The following CCDC186 variants were observed in gnomAD, a reference collection of about 807,000 sequenced individuals.
CCDC186 encodes the protein coiled-coil domain containing 186.
In CCDC186, 49 loss-of-function variants were observed where a neutral mutation model predicts 113.7. That is an observed-to-expected ratio of 0.43 (90% CI 0.34 to 0.55). CCDC186 has a LOEUF of 0.55. CCDC186 is among the 20% of genes least tolerant of loss of function. CCDC186 has a pLI of 0.02. For synonymous variants in CCDC186, 355 were observed against 345.8 expected (o/e 1.03, Z -0.30); for missense variants, 890 against 1,011.1 (o/e 0.88, Z 1.62).
rs868247660 is a variant in CCDC186, at chr10:114,163,300, T to C, written c.-32A>G. On this transcript the variant is annotated 5_prime_UTR_variant, in exon 2 of 16. Transcript: ENST00000369287. ...TGGCACCAATTCACTTTGTAATTCT[T>C]CAAATCTGCTCCTGATCTTCGTTTT... The C allele has an allele frequency of 7.6e-6, 12 of 1,572,120 alleles. No homozygotes were observed. The Middle Eastern group carries it at 1.7e-3, about 222-fold the overall frequency.
rs111667473 is a variant in CCDC186, at chr10:114,151,242, A to C, written c.760-22T>G. ...CTAACTGTAAAGAAAATTATTTCCA[A>C]ATTATTTTTATAGCTATACCAAATA... On this transcript the variant is annotated intron_variant, in intron 3 of 15. Transcript: ENST00000369287. 2.7e-4 allele frequency: 388 copies of C among 1,455,528 alleles called. 4 individuals carry two copies. The African/African-American group carries it at 4.8e-3, about 18-fold the overall frequency. The allele number at this position is 1,455,528 out of a possible 1,614,324, so 90.2% of individuals were successfully genotyped here.
intron 4 of CCDC186, among the ~76,000 whole-genome samples, chr10:114,147,390 T>TA (rs1485333274): frequency 1.3e-5 from 2 of 152,162 alleles, no homozygotes; most frequent in Non-Finnish European, 2.9e-5. Flanking sequence ...GGGTAAAAGA[T>TA]GCTATACTTG....
intron 14 of CCDC186, 69 bp downstream of exon 14, chr10:114,127,392 A>T (rs1336492953): frequency 7.1e-7 from 1 of 1,412,420 alleles, no homozygotes; most frequent in Non-Finnish European, 9.7e-7. Flanking sequence ...ACTAATTTTA[A>T]AAACAGTAAC....
chr10:114,150,951 T>C, intron 4 of CCDC186, 141 bp downstream of exon 4: 1 of 990,494 alleles, frequency 1.0e-6, no homozygotes, highest in Non-Finnish European at 1.4e-6. Context: ...ACGTCTGGCC[T>C]AATGGCTTAC....
At chr10:114,160,725 T>A (rs560403792) in intron 2 of CCDC186, among the ~76,000 whole-genome samples, 1 of 152,324 alleles carries the variant, frequency 6.6e-6, no homozygotes, top group South Asian at 2.1e-4. Flanking sequence ...ATAGATGCAT[T>A]CATTAAAATT....
rs1291324044 is a variant in CCDC186, at chr10:114,123,020, A to T, written c.*2123T>A. 1 of 152,460 alleles carries T rather than the reference A, an allele frequency of 6.6e-6. No homozygotes were observed. Among genetic ancestry groups the T allele is most frequent in the Non-Finnish European group, 1.5e-5 (1 of 68,018 alleles). The allele number at this position is 152,460 out of a possible 1,614,324, so 9.4% of individuals were successfully genotyped here. On this transcript the variant is annotated 3_prime_UTR_variant, in exon 16 of 16. Coordinates refer to ENST00000369287, the MANE Select transcript of CCDC186 (RefSeq NM_018017.4). ...GTATAGGCATAGGATACTATGGATCAGATCACTATTTGGTCTCCATTATAC... is the reference window on the plus strand; with the variant it reads ...GTATAGGCATAGGATACTATGGATCTGATCACTATTTGGTCTCCATTATAC...
chr10:114,142,166 G>A (rs897570828), intron 6 of CCDC186, among the ~76,000 whole-genome samples: 5 of 152,120 alleles, frequency 3.3e-5, no homozygotes, highest in Admixed American at 1.3e-4. Flanking sequence ...CTGACAACAC[G>A]ACAGCCTCGG....
intron 4 of CCDC186, among the ~76,000 whole-genome samples, chr10:114,150,059 T>C (rs2031799927): frequency 6.6e-6 from 1 of 152,144 alleles, no homozygotes; most frequent in Non-Finnish European, 1.5e-5. Flanking sequence ...TAAAGAATCA[T>C]CCAAATAAAG....
chr10:114,129,188 G>A (rs553867619), intron 13 of CCDC186, among the ~76,000 whole-genome samples: 38 of 152,148 alleles, frequency 2.5e-4, no homozygotes, highest in African/African-American at 6.7e-4. Flanking sequence ...TTAGCTAGGC[G>A]TGGTGGCAAG....
intron 1 of CCDC186, among the ~76,000 whole-genome samples, chr10:114,164,058 A>G (rs927684364): frequency 4.5e-5 from 6 of 133,858 alleles, no homozygotes; most frequent in East Asian, 2.2e-4. Flanking sequence ...TAATTTGACC[A>G]AGTTAGAGTG....
At chr10:114,155,637 T>C (rs972175396) in intron 3 of CCDC186, among the ~76,000 whole-genome samples, 1 of 151,904 alleles carries the variant, frequency 6.6e-6, no homozygotes, top group Non-Finnish European at 1.5e-5. Context: ...ATCGCGCCAT[T>C]GCACCCCAGC....
intron 6 of CCDC186, among the ~76,000 whole-genome samples, 186 bp downstream of exon 6, chr10:114,144,311 T>C (rs989439057): frequency 1.3e-5 from 2 of 152,080 alleles, no homozygotes; most frequent in African/African-American, 2.4e-5. Context: ...TCACCAAATA[T>C]TCAGGTCCAA....
intron 6 of CCDC186, among the ~76,000 whole-genome samples, chr10:114,137,698 C>G (rs2119730095): frequency 6.6e-6 from 1 of 152,010 alleles, no homozygotes; most frequent in Admixed American, 6.6e-5. Context: ...AGATCAGGAA[C>G]TTGAGACCAG....
intron 3 of CCDC186, among the ~76,000 whole-genome samples, chr10:114,153,323 T>C (rs1202954662): frequency 6.6e-6 from 1 of 152,302 alleles, no homozygotes; most frequent in East Asian, 1.9e-4. Flanking sequence ...TTCACAAATT[T>C]GTGAAAATTA....
At chr10:114,157,215 A>T (rs983319774) in intron 3 of CCDC186, among the ~76,000 whole-genome samples, 1 of 132,408 alleles carries the variant, frequency 7.6e-6, no homozygotes, top group East Asian at 2.1e-4. Context: ...ACAAGGTCTC[A>T]CTCTCTCACC....
intron 10 of CCDC186, 59 bp from the exon 11 acceptor site, chr10:114,132,243 G>A: frequency 8.0e-7 from 1 of 1,257,776 alleles, no homozygotes; most frequent in Non-Finnish European, 1.1e-6. Context: ...TTAAATTAAT[G>A]GTTTGGGAAT....
chr10:114,136,034 T>G, intron 8 of CCDC186, 57 bp from the exon 9 acceptor site: 1 of 1,539,616 alleles, frequency 6.5e-7, no homozygotes, highest in South Asian at 1.1e-5. Flanking sequence ...ATATCTAAGA[T>G]TTATTGCCTG....
In CCDC186 at chr10:114,135,903, T is replaced by C. The variant is rs146881014; in HGVS notation, c.1500A>G (p.Thr500=). 9 of 1,610,146 alleles carry C rather than the reference T, an allele frequency of 5.6e-6. No homozygotes were observed. The Admixed American group carries it at 1.0e-4, about 18-fold the overall frequency. ...TFKEGMDELR[T]LRTKVKCLED... is the part of the protein sequence containing the mutation. ...AAGACTGAATTACCTTTGTTCTCAG[T>C]GTTCTTAACTCATCCATACCCTCCT... The change falls in exon 9 of 16, where the codon ACA becomes ACG. Residue 500 remains threonine, a synonymous_variant. Transcript: ENST00000369287.
At position 114,124,666 on chromosome 10, in the gene CCDC186, C is replaced by T. The variant is rs1564902919; in HGVS notation, c.*477G>A. ...AATATTCATACACATCCCTAAAACT[C>T]ACCCGATATGCTGGAGTGTAAAAAT... is the stretch of plus-strand genomic sequence containing the variant. On this transcript the variant is annotated 3_prime_UTR_variant, in exon 16 of 16. Transcript: ENST00000369287. 1 of 152,348 alleles carries T rather than the reference C, an allele frequency of 6.6e-6. No homozygotes were observed. The highest frequency in any genetic ancestry group is 1.5e-5 in the Non-Finnish European group (1 of 68,154). 9.4% of individuals were successfully genotyped at this position (152,348 alleles called of 1,614,324 possible).
Sources: allele counts gnomAD v4.1 joint callset (sites outside exome capture counted in the v4.1 genomes callset), GRCh38; gene constraint gnomAD v4.1.1; transcripts MANE v1.5; gene names NCBI Gene and HGNC (gene_info 2026-07-23, HGNC 2026-07-21).